Variants in CATSPERT observed in about 807,000 individuals in gnomAD.
CATSPERT encodes catsper channel auxiliary subunit tau.
the CATSPERT span, chr2:201,601,716 T>G: frequency 1.3e-6 from 2 of 1,595,506 alleles, no homozygotes; most frequent in Non-Finnish European, 8.5e-7. Context: ...CATTCTAATA[T>G]CTAGAAGAGA....
chr2:201,535,408 C>T, the CATSPERT span: 1 of 976,402 alleles, frequency 1.0e-6, no homozygotes, highest in East Asian at 1.1e-4. Context: ...TTGAGAAAGT[C>T]TATTATTTGG....
At chr2:201,494,247 C>T in the CATSPERT span, 1 of 1,536,772 alleles carries the variant, frequency 6.5e-7, no homozygotes, top group South Asian at 1.2e-5. Context: ...CTTCACTGTT[C>T]ATACTAACTT....
the CATSPERT span, among the ~76,000 whole-genome samples, chr2:201,618,587 A>C: frequency 5.2e-4 from 79 of 151,752 alleles, no homozygotes; most frequent in African/African-American, 1.9e-3. Context: ...GAGGGATAGC[A>C]TTAGGAGATA....
the CATSPERT span, among the ~76,000 whole-genome samples, chr2:201,595,439 C>T: frequency 1.3e-5 from 2 of 152,198 alleles, no homozygotes; most frequent in African/African-American, 4.8e-5. Context: ...CCGCCCGCCT[C>T]GGCCTCCCAA....
the CATSPERT span, among the ~76,000 whole-genome samples, chr2:201,508,908 C>A: frequency 6.6e-6 from 1 of 151,852 alleles, no homozygotes; most frequent in Non-Finnish European, 1.5e-5. Context: ...ATGTTTCTAC[C>A]TCTTGGGTAT....
chr2:201,559,175 C>A, the CATSPERT span, among the ~76,000 whole-genome samples: 2 of 152,170 alleles, frequency 1.3e-5, no homozygotes, highest in Non-Finnish European at 2.9e-5. Flanking sequence ...TGGCCCTGTA[C>A]CCCCAATAAG....
the CATSPERT span, among the ~76,000 whole-genome samples, chr2:201,533,749 A>C: frequency 2.6e-5 from 4 of 151,910 alleles, no homozygotes; most frequent in Non-Finnish European, 5.9e-5. Flanking sequence ...CCCAATGCAT[A>C]CCCCTCCCAA....
the CATSPERT span, among the ~76,000 whole-genome samples, chr2:201,518,774 T>C: frequency 6.6e-6 from 1 of 152,234 alleles, no homozygotes; most frequent in Admixed American, 6.5e-5. Flanking sequence ...TACAGGAATG[T>C]TGTATTTAGA....
chr2:201,497,359 TTTTG>T, the CATSPERT span, among the ~76,000 whole-genome samples: 1 of 152,254 alleles, frequency 6.6e-6, no homozygotes, highest in African/African-American at 2.4e-5. Flanking sequence ...CTTTTGTTCC[TTTTG>T]TTTTTCTTTG....
chr2:201,568,769 G>C, the CATSPERT span, among the ~76,000 whole-genome samples: 23 of 152,194 alleles, frequency 1.5e-4, no homozygotes, highest in African/African-American at 5.5e-4. Flanking sequence ...TAGATGGAGG[G>C]AGTTCTATGG....
chr2:201,520,274 T>G, the CATSPERT span, among the ~76,000 whole-genome samples: 35 of 151,834 alleles, frequency 2.3e-4, no homozygotes, highest in Admixed American at 5.2e-4. Context: ...AGAAAGAAAA[T>G]CAAAAAGAAA....
chr2:201,564,185 C>G, the CATSPERT span, among the ~76,000 whole-genome samples: 1 of 152,302 alleles, frequency 6.6e-6, no homozygotes, highest in East Asian at 1.9e-4. Flanking sequence ...AGACTAACCC[C>G]CCTCACAAGA....
chr2:201,608,842 CAAAGAAAGAAAGAAAAAAGAAAAGAG>C, the CATSPERT span, among the ~76,000 whole-genome samples: 34 of 134,762 alleles, frequency 2.5e-4, no homozygotes, highest in Non-Finnish European at 4.8e-4. Flanking sequence ...AAGAAACAAA[CAAAGAAAGAAAGAAAAAAGAAAAGAG>C]AAAGAAAGAA....
At chr2:201,498,343 G>A in the CATSPERT span, among the ~76,000 whole-genome samples, 1 of 152,070 alleles carries the variant, frequency 6.6e-6, no homozygotes, top group Middle Eastern at 3.2e-3. Flanking sequence ...AGAGTCCAAA[G>A]GCCGAAAAAC....
chr2:201,589,669 C>T, the CATSPERT span, among the ~76,000 whole-genome samples: 3 of 152,110 alleles, frequency 2.0e-5, no homozygotes, highest in African/African-American at 7.2e-5. Context: ...GGAAGACAAC[C>T]TAAGCAATAC....
At chr2:201,539,631 T>A in the CATSPERT span, among the ~76,000 whole-genome samples, 1 of 151,712 alleles carries the variant, frequency 6.6e-6, no homozygotes, top group African/African-American at 2.4e-5. Context: ...TAGACTTTTG[T>A]AAGATGGCAA....
the CATSPERT span, among the ~76,000 whole-genome samples, chr2:201,599,036 C>T: frequency 1.3e-5 from 2 of 152,076 alleles, no homozygotes; most frequent in African/African-American, 4.8e-5. Flanking sequence ...TTGCCTTTCC[C>T]TCAGCAACCC....
chr2:201,526,869 A>G, the CATSPERT span, among the ~76,000 whole-genome samples: 3 of 152,144 alleles, frequency 2.0e-5, no homozygotes, highest in African/African-American at 7.2e-5. Context: ...AAGGATACCA[A>G]CTCTCACTAC....
chr2:201,588,641 G>A, the CATSPERT span, among the ~76,000 whole-genome samples: 3 of 146,904 alleles, frequency 2.0e-5, no homozygotes, highest in Non-Finnish European at 4.5e-5. Context: ...CAGCTGATGT[G>A]CTTCAAAAAC....
Sources: gnomAD v4.1 joint callset for allele counts (sites outside exome capture counted in the v4.1 genomes callset) on GRCh38, gnomAD v4.1.1 for gene constraint, MANE v1.5 for transcripts, NCBI Gene and HGNC (gene_info 2026-07-23, HGNC 2026-07-21) for gene names.